Variants in EYA4 observed in about 807,000 individuals in gnomAD.
EYA4 encodes the protein EYA transcriptional coactivator and phosphatase 4.
EYA4 carries 31 observed loss-of-function variants against 87.9 expected under a neutral mutation model. That is an observed-to-expected ratio of 0.35 (90% CI 0.27 to 0.48). The LOEUF (loss-of-function observed/expected upper bound fraction) is 0.48, where lower values mean the gene tolerates loss of function less well. Among genes scored for constraint, EYA4 ranks in the 20% least tolerant of loss-of-function variants. The probability of loss-of-function intolerance (pLI) is 0.99; values close to 1 mark genes in which losing one functional copy is unlikely to be tolerated. For missense variants in EYA4, 678 were observed against 761.4 expected, an observed-to-expected ratio of 0.89 and a Z score of 1.29; for synonymous variants, 263 against 270.6, an observed-to-expected ratio of 0.97 and a Z score of 0.28.
At chr6:133,525,114 A>G (rs765064647) in intron 18 of EYA4, 40 bp from the exon 19 acceptor site, 1 of 1,613,686 alleles carries the variant, frequency 6.2e-7, no homozygotes, top group Non-Finnish European at 8.5e-7. Context: ...GCCGCTAACC[A>G]GGTAACTTCA....
chr6:133,458,913 G>T (rs1165911500), intron 6 of EYA4, among the ~76,000 whole-genome samples: 2 of 152,158 alleles, frequency 1.3e-5, no homozygotes, highest in Non-Finnish European at 2.9e-5. Flanking sequence ...ATGCAGAAAT[G>T]ATGGAATGTA....
chr6:133,498,264 G>T (rs1797803405), intron 13 of EYA4, among the ~76,000 whole-genome samples: 1 of 152,134 alleles, frequency 6.6e-6, no homozygotes, highest in Non-Finnish European at 1.5e-5. Context: ...TTTGGAGGGA[G>T]AATGACCCTG....
chr6:133,274,871 TA>T, intron 2 of EYA4, 58 bp downstream of exon 2: 1 of 1,235,796 alleles, frequency 8.1e-7, no homozygotes, highest in African/African-American at 1.5e-5. Context: ...CTGAAAATCA[TA>T]CGTAAAAGAG....
At chr6:133,500,770 A>G (rs1399342499) in intron 13 of EYA4, among the ~76,000 whole-genome samples, 1 of 151,944 alleles carries the variant, frequency 6.6e-6, no homozygotes, top group African/African-American at 2.4e-5. Context: ...ACTCTCCTAG[A>G]TTCTTCCCAT....
In EYA4 at chr6:133,481,550, G is replaced by A. The variant is rs267600817; in HGVS notation, c.1058G>A (p.Gly353Glu). The change falls in exon 12 of 20, where the codon GGA (glycine) becomes GAA (glutamate). Residue 353 changes from glycine to glutamate, a missense_variant. Coordinates refer to ENST00000355286, the MANE Select transcript of EYA4 (RefSeq NM_004100.5). ...TCRSSGSKSRGRGRKNNPSPP... is the reference protein window; with the variant it reads ...TCRSSGSKSRERGRKNNPSPP... ...AGGAGTTCTGGGTCAAAGTCCAGAG[G>A]AAGAGGCCGGAAAAATAATCCCTCC... 2.3e-5 allele frequency: 37 copies of A among 1,613,934 alleles called. No individual in the cohort carries two copies. Among genetic ancestry groups the A allele is most frequent in the Non-Finnish European group, 4.2e-6 (5 of 1,179,952 alleles).
At chr6:133,354,889 T>C (rs532489194) in intron 2 of EYA4, among the ~76,000 whole-genome samples, 85 of 152,248 alleles carry the variant, frequency 5.6e-4, no homozygotes, top group African/African-American at 1.9e-3. Flanking sequence ...GTTGTTGTTG[T>C]TTTTTCACAT....
chr6:133,468,598 C>T lies in EYA4; in HGVS notation c.837C>T (p.Asn279=). The T allele has an allele frequency of 6.2e-7, 1 of 1,612,546 alleles. No homozygotes were observed. The highest frequency in any genetic ancestry group is 8.5e-7 in the Non-Finnish European group (1 of 1,178,918). ...DYPSYTAFGQ[N]QYAQYYSAST... ...CATCCTATACAGCCTTTGGCCAAAA[C>T]CAGTATGCACAGTATTATTCAGCAT... The change falls in exon 11 of 20, where the codon AAC becomes AAT. Residue 279 remains asparagine, a synonymous_variant. Coordinates refer to ENST00000355286, the MANE Select transcript of EYA4 (RefSeq NM_004100.5).
intron 13 of EYA4, among the ~76,000 whole-genome samples, chr6:133,502,056 T>TCTCTCTCTCTCTCTCA (rs1432373495): frequency 6.6e-6 from 1 of 151,204 alleles, no homozygotes; most frequent in African/African-American, 2.5e-5. Context: ...TCTCTCTCTC[T>TCTCTCTCTCTCTCTCA]CTCTCTCTCT....
intron 2 of EYA4, among the ~76,000 whole-genome samples, chr6:133,331,622 A>C (rs1460083760): frequency 6.6e-6 from 1 of 152,218 alleles, no homozygotes; most frequent in Non-Finnish European, 1.5e-5. Flanking sequence ...AGTTTACTGC[A>C]ACGGTGCTTT....
At chr6:133,503,005 C>T (rs1459047663) in intron 13 of EYA4, among the ~76,000 whole-genome samples, 1 of 152,222 alleles carries the variant, frequency 6.6e-6, no homozygotes, top group African/African-American at 2.4e-5. Context: ...GGAATCTCCA[C>T]AGCTTGAAAA....
chr6:133,259,745 A>G (rs1032794188), intron 1 of EYA4, among the ~76,000 whole-genome samples: 6 of 152,136 alleles, frequency 3.9e-5, no homozygotes, highest in Admixed American at 2.6e-4. Flanking sequence ...TATAACTCTC[A>G]TGTTTACTTT....
intron 2 of EYA4, among the ~76,000 whole-genome samples, chr6:133,367,812 C>T (rs1468006092): frequency 6.6e-6 from 1 of 152,108 alleles, no homozygotes; most frequent in Non-Finnish European, 1.5e-5. Context: ...TAATAATTAG[C>T]AGCATTGAAT....
Position 133,462,685 on chromosome 6 carries a change from A to G in EYA4, c.645A>G (p.Leu215=). Residue 215 remains leucine (L), a synonymous_variant, in exon 9 of 20, where the codon TTA becomes TTG. Coordinates refer to ENST00000355286, the MANE Select transcript of EYA4 (RefSeq NM_004100.5). ...GACTTTCCCAAACTCAGTCCCCATT[A>G]CAGAGTGGCTGCCTCAGTTACAGCC... ...ESGLSQTQSP[L]QSGCLSYSPG... 6.2e-7 allele frequency: 1 copy of G among 1,613,938 alleles called. No homozygotes were observed. Among genetic ancestry groups the G allele is most frequent in the South Asian group, 1.1e-5 (1 of 91,074 alleles).
intron 5 of EYA4, chr6:133,452,861 C>T (rs1207360882): frequency 6.6e-6 from 1 of 152,048 alleles, no homozygotes; most frequent in Non-Finnish European, 1.5e-5. Flanking sequence ...CTCTGACTCA[C>T]TTACTTTGAA....
At chr6:133,305,203 A>C (rs912943055) in intron 2 of EYA4, among the ~76,000 whole-genome samples, 4 of 152,124 alleles carry the variant, frequency 2.6e-5, no homozygotes, top group Admixed American at 6.6e-5. Flanking sequence ...TTATAGTAAG[A>C]GATGGGGTCA....
chr6:133,298,272 G>T lies in EYA4; in HGVS notation c.33+23459G>T, dbSNP rs551140699. On this transcript the variant is annotated intron_variant, in intron 2 of 19. Transcript: ENST00000355286. ...TTTTTGGCAGAATAAGATGTCCCAG[G>T]CTGGCTTTATACTTTGTCTGCTCCA... 2.6e-5 allele frequency among the ~76,000 whole-genome samples: 4 copies of T among 152,192 alleles called. No homozygotes were observed. In the East Asian group the frequency reaches 5.8e-4, roughly 22 times the overall value.
chr6:133,269,417 T>G (rs1776501405), intron 1 of EYA4, among the ~76,000 whole-genome samples: 1 of 152,214 alleles, frequency 6.6e-6, no homozygotes, highest in Non-Finnish European at 1.5e-5. Flanking sequence ...TGGAGTATTT[T>G]AAATCAATAT....
intron 3 of EYA4, among the ~76,000 whole-genome samples, chr6:133,441,906 A>T (rs1318803442): frequency 6.6e-6 from 1 of 152,010 alleles, no homozygotes; most frequent in Non-Finnish European, 1.5e-5. Flanking sequence ...TTTGAAAAGA[A>T]ATTTAGAACT....
rs1277371933 is a variant in EYA4, at chr6:133,477,832, ACG to A, written c.971-3629_971-3628del. Among the ~76,000 whole-genome samples the A allele has an allele frequency of 1.3e-4, 18 of 135,002 alleles. 1 individual carries two copies. The South Asian group carries it at 3.4e-3, about 25-fold the overall frequency. The allele number at this position is 135,002 out of a possible 152,430, so 88.6% of individuals were successfully genotyped here. A position where few individuals can be genotyped will look rare whatever the true frequency, so the allele number is the denominator to read the frequency against. ...AAGTCAGACACACACACACACACACACGCATATATATATATACACACATAAAT... is the reference window on the plus strand; with the variant it reads ...AAGTCAGACACACACACACACACACACATATATATATATACACACATAAAT... On this transcript the variant is annotated intron_variant, in intron 11 of 19. Coordinates refer to ENST00000355286, the MANE Select transcript of EYA4 (RefSeq NM_004100.5).
Sources: allele counts gnomAD v4.1 joint callset (sites outside exome capture counted in the v4.1 genomes callset), GRCh38; gene constraint gnomAD v4.1.1; transcripts MANE v1.5; gene names NCBI Gene and HGNC (gene_info 2026-07-23, HGNC 2026-07-21).